The following PCCA variants were observed in gnomAD, a reference collection of about 807,000 sequenced individuals.
PCCA encodes propionyl-CoA carboxylase alpha chain, mitochondrial.
In PCCA, 74 loss-of-function variants were observed where a neutral mutation model predicts 101.3. The observed-to-expected ratio is 0.73, with a 90% confidence interval of 0.61 to 0.89. The LOEUF is 0.89. Among genes scored for constraint, PCCA ranks in the 40% least tolerant of loss-of-function variants. The probability of loss-of-function intolerance (pLI) is 0.00; values close to 1 mark genes in which losing one functional copy is unlikely to be tolerated. For missense variants in PCCA, 891 were observed against 907.0 expected (o/e 0.98, Z 0.23); for synonymous variants, 294 against 313.6 (o/e 0.94, Z 0.66).
chr13:100,166,989 G>A (rs1191391950), intron 6 of PCCA, among the ~76,000 whole-genome samples: 2 of 152,084 alleles, frequency 1.3e-5, no homozygotes, highest in Non-Finnish European at 1.5e-5. Context: ...ATAATGTTGA[G>A]CTCATTTGCT....
At chr13:100,443,936 C>G (rs2080570314) in intron 20 of PCCA, among the ~76,000 whole-genome samples, 1 of 152,012 alleles carries the variant, frequency 6.6e-6, no homozygotes, top group Non-Finnish European at 1.5e-5. Context: ...TATGTATCTT[C>G]AGCATGACCT....
At position 100,460,358 on chromosome 13, in the gene PCCA, T is replaced by C. The variant is rs561013163; in HGVS notation, c.1899+11053T>C. On this transcript the variant is annotated intron_variant, in intron 21 of 23. Coordinates refer to ENST00000376285, the MANE Select transcript of PCCA (RefSeq NM_000282.4). ...ATTATAATTAGGTTTTAAAGTACTATAATAAGGCAAACATATCTCAGTGAG... is the reference window on the plus strand; with the variant it reads ...ATTATAATTAGGTTTTAAAGTACTACAATAAGGCAAACATATCTCAGTGAG... Among the ~76,000 whole-genome samples the C allele has an allele frequency of 2.0e-5, 3 of 152,338 alleles. No homozygotes were observed. The South Asian group carries it at 6.2e-4, about 32-fold the overall frequency.
intron 4 of PCCA, among the ~76,000 whole-genome samples, chr13:100,131,970 A>T (rs2050561859): frequency 6.6e-6 from 1 of 152,092 alleles, no homozygotes; most frequent in African/African-American, 2.4e-5. Context: ...TTTTTTGAGG[A>T]ATTCACATTT....
chr13:100,461,704 T>A (rs1380673617), intron 21 of PCCA, among the ~76,000 whole-genome samples: 1 of 152,236 alleles, frequency 6.6e-6, no homozygotes, highest in East Asian at 1.9e-4. Context: ...GCTGTAACTT[T>A]CCACCTGTCC....
chr13:100,258,007 A>T (rs1358835012), intron 9 of PCCA, among the ~76,000 whole-genome samples: 1 of 152,212 alleles, frequency 6.6e-6, no homozygotes, highest in Non-Finnish European at 1.5e-5. Context: ...TCTAAATGTC[A>T]TCTAAAGATT....
chr13:100,103,777 A>G (rs1247750607), intron 2 of PCCA, among the ~76,000 whole-genome samples: 5 of 151,746 alleles, frequency 3.3e-5, no homozygotes, highest in Admixed American at 1.3e-4. Flanking sequence ...CTGGGATTAC[A>G]GGTGCGCCCC....
chr13:100,309,858 C>G lies in PCCA; in HGVS notation c.1379C>G (p.Thr460Ser), dbSNP rs778131807. ...CTAATCACATATGGCTCTGATAGAA[C>G]TGAGGCACTGAAGAGAATGGCAGAT... is the stretch of plus-strand genomic sequence containing the variant. ...SKLITYGSDRTEALKRMADAL... is the reference protein window; with the variant it reads ...SKLITYGSDRSEALKRMADAL... Residue 460 changes from threonine (T) to serine (S), a missense_variant, in exon 16 of 24, where the codon ACT becomes AGT. Thr to Ser is a moderately conservative substitution (Grantham distance 58). Coordinates refer to ENST00000376285, the MANE Select transcript of PCCA (RefSeq NM_000282.4). 1.9e-6 allele frequency: 3 copies of G among 1,612,970 alleles called. No individual in the cohort carries two copies. Among genetic ancestry groups the G allele is most frequent in the Non-Finnish European group, 2.5e-6 (3 of 1,179,174 alleles).
At chr13:100,505,002 G>T (rs531824990) in intron 21 of PCCA, among the ~76,000 whole-genome samples, 1 of 152,144 alleles carries the variant, frequency 6.6e-6, no homozygotes, top group Non-Finnish European at 1.5e-5. Flanking sequence ...TCATAAAGAA[G>T]GAATCTGAGA....
chr13:100,260,712 C>G (rs2062437205), intron 9 of PCCA, among the ~76,000 whole-genome samples: 1 of 151,728 alleles, frequency 6.6e-6, no homozygotes, highest in African/African-American at 2.4e-5. Flanking sequence ...TTAGTTGTTT[C>G]CAATATTACT....
chr13:100,179,076 CAAAA>C (rs57393133), intron 6 of PCCA, among the ~76,000 whole-genome samples: 15,690 of 134,986 alleles, frequency 0.12, 1,073 homozygotes, highest in Non-Finnish European at 0.17. Context: ...GACTCCTTCT[CAAAA>C]AAAAAAAAAA....
At chr13:100,497,897 C>T (rs1010761651) in intron 21 of PCCA, among the ~76,000 whole-genome samples, 1 of 151,808 alleles carries the variant, frequency 6.6e-6, no homozygotes, top group African/African-American at 2.4e-5. Flanking sequence ...GACACAGGGT[C>T]TCACTCTGTC....
chr13:100,122,285 A>G (rs988114562), intron 4 of PCCA, among the ~76,000 whole-genome samples: 10 of 152,304 alleles, frequency 6.6e-5, no homozygotes, highest in African/African-American at 2.4e-4. Context: ...GTTCATATTT[A>G]CAAGAGATAT....
chr13:100,116,508 C>T (rs1043979672), intron 4 of PCCA, among the ~76,000 whole-genome samples: 5 of 152,108 alleles, frequency 3.3e-5, no homozygotes, highest in Admixed American at 6.6e-5. Context: ...ATGCAGTTTA[C>T]CTCTGTTGGT....
chr13:100,503,966 A>G (rs1408215035), intron 21 of PCCA, among the ~76,000 whole-genome samples: 1 of 152,226 alleles, frequency 6.6e-6, no homozygotes, highest in African/African-American at 2.4e-5. Context: ...GTATACATAT[A>G]TGTTTATATT....
At chr13:100,296,153 C>T (rs1378779962) in intron 12 of PCCA, among the ~76,000 whole-genome samples, 1 of 152,096 alleles carries the variant, frequency 6.6e-6, no homozygotes, top group Non-Finnish European at 1.5e-5. Flanking sequence ...GAATGTTGGT[C>T]AAGTCAGATG....
chr13:100,325,296 A>G (rs1170411014), intron 16 of PCCA, among the ~76,000 whole-genome samples: 2 of 152,190 alleles, frequency 1.3e-5, no homozygotes, highest in Non-Finnish European at 2.9e-5. Context: ...TGAAGTTGTT[A>G]TATGACAACT....
intron 7 of PCCA, among the ~76,000 whole-genome samples, chr13:100,214,532 C>G (rs1453736875): frequency 6.6e-6 from 1 of 151,766 alleles, no homozygotes. Flanking sequence ...TCAAGCGATT[C>G]TCCTGCCTCC....
chr13:100,136,768 T>C (rs2051225391), intron 4 of PCCA, among the ~76,000 whole-genome samples: 1 of 152,098 alleles, frequency 6.6e-6, no homozygotes, highest in Non-Finnish European at 1.5e-5. Context: ...TCCTTTCTTA[T>C]TTTGGATGTC....
intron 7 of PCCA, among the ~76,000 whole-genome samples, chr13:100,218,178 A>G (rs900967558): frequency 6.6e-6 from 1 of 151,454 alleles, no homozygotes; most frequent in Non-Finnish European, 1.5e-5. Context: ...ATTTGCTTAT[A>G]TATTTGTTTG....
Sources: allele counts gnomAD v4.1 joint callset (sites outside exome capture counted in the v4.1 genomes callset), GRCh38; gene constraint gnomAD v4.1.1; transcripts MANE v1.5; gene names NCBI Gene and HGNC (gene_info 2026-07-23, HGNC 2026-07-21).